The following PLCH2 variants were observed in gnomAD, a reference collection of about 807,000 sequenced individuals.
The protein encoded by PLCH2 is 1-phosphatidylinositol 4,5-bisphosphate phosphodiesterase eta-2.
In PLCH2, 98 loss-of-function variants were observed where a neutral mutation model predicts 134.7. The observed-to-expected ratio is 0.73, with a 90% CI of 0.62 to 0.86. PLCH2 has a LOEUF of 0.86. PLCH2 is among the 40% of genes least tolerant of loss of function. The probability of loss-of-function intolerance (pLI) is 0.00; values close to 1 mark genes in which losing one functional copy is unlikely to be tolerated. For synonymous variants in PLCH2, 974 were observed against 827.5 expected, an observed-to-expected ratio of 1.18 and a Z score of -3.04; for missense variants, 1,994 against 1,986.6, an observed-to-expected ratio of 1.00 and a Z score of -0.07.
At position 2,505,135 on chromosome 1, in the gene PLCH2, G is replaced by C. The variant is rs761314425; in HGVS notation, c.4173G>C (p.Val1391=). The C allele has an allele frequency of 3.2e-6, 5 of 1,557,626 alleles. No individual in the cohort carries two copies. In the East Asian group the frequency reaches 9.5e-5, roughly 30 times the overall value. Residue 1391 remains valine, a synonymous_variant, in exon 22 of 22, where the codon GTG becomes GTC. Transcript: ENST00000378486. ...GACSVGHEGS[V]DAPAPSKGAL... Reference sequence around the variant, plus strand: ...GCTCCGTGGGCCACGAGGGCAGTGTGGATGCACCAGCACCCTCCAAGGGAG... The same window carrying C: ...GCTCCGTGGGCCACGAGGGCAGTGTCGATGCACCAGCACCCTCCAAGGGAG...
chr1:2,483,858 GT>G lies in PLCH2; in HGVS notation c.646-589del, dbSNP rs199968850. Among the ~76,000 whole-genome samples, 22 of 135,164 alleles carry G rather than the reference GT, an allele frequency of 1.6e-4. 3 individuals are homozygous for G. The highest frequency in any genetic ancestry group is 3.1e-4 in the African/African-American group (11 of 35,424). The allele number at this position is 135,164 out of a possible 152,430, so 88.7% of individuals were successfully genotyped here. On this transcript the variant is annotated intron_variant, in intron 4 of 21. Coordinates refer to ENST00000378486, the MANE Select transcript of PLCH2 (RefSeq NM_014638.4). ...GGGGTGGCGCTGACCCCCGTGTGGG[GT>G]GGCGCTGACCCCCGTGTGGGTGGCG...
intron 2 of PLCH2, among the ~76,000 whole-genome samples, chr1:2,431,106 G>T (rs545627712): frequency 6.6e-6 from 1 of 152,322 alleles, no homozygotes; most frequent in Non-Finnish European, 1.5e-5. Flanking sequence ...GGATGCCCTG[G>T]AGTGGCAGGC....
At position 2,479,732 on chromosome 1, in the gene PLCH2, A is replaced by G; in HGVS notation, c.272-2A>G. 6.5e-7 allele frequency: 1 copy of G among 1,534,950 alleles called. No individual in the cohort carries two copies. Among genetic ancestry groups the G allele is most frequent in the Non-Finnish European group, 8.8e-7 (1 of 1,134,562 alleles). ...GACCCGTGCTCCCTCCCCACCCCGC[A>G]GTCTCCATCGACTCCATCCAGGAGG... On this transcript the variant is annotated splice_acceptor_variant, in intron 2 of 21. Transcript: ENST00000378486. LOFTEE classifies it high-confidence loss of function.
upstream of PLCH2, among the ~76,000 whole-genome samples, chr1:2,421,101 C>A (rs111685018): frequency 2.0e-5 from 3 of 152,098 alleles, no homozygotes; most frequent in Non-Finnish European, 4.4e-5. Flanking sequence ...TGCGCCACCA[C>A]GCCTGGCTAA....
chr1:2,479,790 C>A lies in PLCH2; in HGVS notation c.328C>A (p.Arg110Ser). 6.4e-7 allele frequency: 1 copy of A among 1,573,692 alleles called. No individual in the cohort carries two copies. The highest frequency in any genetic ancestry group is 8.6e-7 in the Non-Finnish European group (1 of 1,160,426). The change falls in exon 3 of 22, where the codon CGC becomes AGC. Residue 110 changes from arginine (R) to serine (S), a missense_variant. Physicochemically the swap from Arg to Ser is moderately radical, Grantham distance 110. Coordinates refer to ENST00000378486, the MANE Select transcript of PLCH2 (RefSeq NM_014638.4). Reference protein sequence around the residue: ...SEGRQSEVFQRYPDGSFDPNC... With the variant: ...SEGRQSEVFQSYPDGSFDPNC... ...GGGGCGGCAGTCGGAGGTCTTCCAGCGCTACCCTGACGGCAGCTTCGACCC... is the reference window on the plus strand; with the variant it reads ...GGGGCGGCAGTCGGAGGTCTTCCAGAGCTACCCTGACGGCAGCTTCGACCC...
intron 8 of PLCH2, 42 bp from the exon 9 acceptor site, chr1:2,489,165 A>C: frequency 6.3e-7 from 1 of 1,590,184 alleles, no homozygotes; most frequent in South Asian, 1.1e-5. Context: ...CCATCCTCTG[A>C]GGCCCTGGCC....
chr1:2,494,628 C>T (rs976460757), intron 11 of PLCH2: 9 of 589,652 alleles, frequency 1.5e-5, no homozygotes, highest in South Asian at 2.0e-5. Flanking sequence ...ACTTTCAGGC[C>T]GCTTCTCCTC....
At chr1:2,496,003 G>C (rs370134233) in intron 13 of PLCH2, among the ~76,000 whole-genome samples, 5 of 152,064 alleles carry the variant, frequency 3.3e-5, no homozygotes, top group African/African-American at 1.2e-4. Context: ...GTCTCTTTGA[G>C]GTCTCAAACC....
intron 5 of PLCH2, among the ~76,000 whole-genome samples, chr1:2,486,078 C>T (rs1437401307): frequency 1.3e-5 from 2 of 152,186 alleles, no homozygotes; most frequent in Non-Finnish European, 2.9e-5. Context: ...GCGGCACCAG[C>T]ATGTGTCTGT....
the PLCH2 span, among the ~76,000 whole-genome samples, chr1:2,417,420 T>TTCCCAGCG: frequency 6.6e-6 from 1 of 151,682 alleles, no homozygotes; most frequent in African/African-American, 2.4e-5. Flanking sequence ...CCTGCCCAGC[T>TTCCCAGCG]TCCCAGCCTC....
chr1:2,503,111 A>T (rs1412305207), intron 21 of PLCH2: 1 of 685,528 alleles, frequency 1.5e-6, no homozygotes, highest in Admixed American at 2.0e-5. Context: ...TCTGAGCTTG[A>T]GGCCCTGGGA....
At chr1:2,483,697 CT>C (rs1642096754) in intron 4 of PLCH2, among the ~76,000 whole-genome samples, 1 of 152,134 alleles carries the variant, frequency 6.6e-6, no homozygotes, top group South Asian at 2.1e-4. Context: ...CCCATGGCCC[CT>C]GTAGCACCTT....
chr1:2,454,273 C>T (rs981837512), intron 2 of PLCH2, among the ~76,000 whole-genome samples: 9 of 152,190 alleles, frequency 5.9e-5, no homozygotes, highest in Admixed American at 5.9e-4. Flanking sequence ...TGGCCAGTGC[C>T]CCGCCCACCA....
Position 2,498,776 on chromosome 1 carries a change from T to G in PLCH2, c.2382T>G (p.Ile794Met). 6.2e-7 allele frequency: 1 copy of G among 1,611,512 alleles called. No homozygotes were observed. The highest frequency in any genetic ancestry group is 8.5e-7 in the Non-Finnish European group (1 of 1,179,286). Residue 794 changes from isoleucine (I) to methionine (M), a missense_variant, in exon 18 of 22, where the codon ATT becomes ATG. Ile to Met is a conservative substitution (Grantham distance 10). This residue lies in a region of PLCH2 where 1,094 missense variants were observed against 1,234.3 expected (regional missense o/e 0.89). Transcript: ENST00000378486. The surrounding 1 kb of genome is among the most constrained non-coding windows in gnomAD (Gnocchi z 5.4). ...IIDPFVEVEI[I>M]GLPVDCSREQ... is the part of the protein sequence containing the mutation. Reference sequence around the variant, plus strand: ...ACCCCTTTGTGGAGGTGGAGATCATTGGGCTCCCTGTGGACTGCAGCAGGG... The same window carrying G: ...ACCCCTTTGTGGAGGTGGAGATCATGGGGCTCCCTGTGGACTGCAGCAGGG...
Position 2,498,679 on chromosome 1 carries a change from T to C in PLCH2, c.2349+32T>C. ...GCCAGCCCCACACAGGCGGGAGGGG[T>C]GGGAGTTGGGGGCGGGCCGGGCATC... On this transcript the variant is annotated intron_variant, in intron 17 of 21. Transcript: ENST00000378486. The surrounding 1 kb of genome is among the most constrained non-coding windows in gnomAD (Gnocchi z 5.4). 1.3e-5 allele frequency: 4 copies of C among 311,856 alleles called. No homozygotes were observed. Among genetic ancestry groups the C allele is most frequent in the Non-Finnish European group, 1.9e-5 (4 of 207,780 alleles). The allele number at this position is 311,856 out of a possible 1,614,324, so 19.3% of individuals were successfully genotyped here.
intron 2 of PLCH2, among the ~76,000 whole-genome samples, chr1:2,459,883 C>T (rs1384757291): frequency 6.6e-6 from 1 of 152,278 alleles, no homozygotes; most frequent in African/African-American, 2.4e-5. Flanking sequence ...CTCAGCGCCT[C>T]ATGGTGGGGC....
upstream of PLCH2, among the ~76,000 whole-genome samples, chr1:2,473,328 G>T (rs1641432586): frequency 6.6e-6 from 1 of 152,192 alleles, no homozygotes; most frequent in African/African-American, 2.4e-5. Flanking sequence ...GTGCAGCCCA[G>T]GTGCGGGGGC....
intron 1 of PLCH2, among the ~76,000 whole-genome samples, chr1:2,470,529 G>A (rs1451657701): frequency 6.6e-6 from 1 of 152,220 alleles, no homozygotes; most frequent in Non-Finnish European, 1.5e-5. Context: ...CCTGGCAGTG[G>A]CCCGGGGTGC....
chr1:2,490,154 G>A (rs943884644), intron 10 of PLCH2, among the ~76,000 whole-genome samples: 10 of 152,098 alleles, frequency 6.6e-5, no homozygotes, highest in Non-Finnish European at 1.5e-4. Context: ...TCAGTAAGTG[G>A]GGGCAGCACT....
Sources: allele counts gnomAD v4.1 joint callset (sites outside exome capture counted in the v4.1 genomes callset), GRCh38; gene constraint gnomAD v4.1.1; regional missense constraint gnomAD v4.1.1; non-coding constraint Gnocchi (gnomAD v3.1); transcripts MANE v1.5; gene names NCBI Gene and HGNC (gene_info 2026-07-23, HGNC 2026-07-21).